Variants in SLC24A2 observed in about 807,000 individuals in gnomAD.
The protein encoded by SLC24A2 is sodium/potassium/calcium exchanger 2.
SLC24A2 carries 36 observed loss-of-function variants against 62.0 expected under a neutral mutation model. That is an observed-to-expected ratio of 0.58 (90% CI 0.44 to 0.77). The LOEUF (loss-of-function observed/expected upper bound fraction) is 0.77. Among genes scored for constraint, SLC24A2 ranks in the 30% least tolerant of loss-of-function variants. SLC24A2 has a pLI of 0.00. For synonymous variants in SLC24A2, 358 were observed against 294.0 expected (o/e 1.22, Z -2.23); for missense variants, 846 against 817.9 (o/e 1.03, Z -0.42).
chr9:20,068,748 A>G, the SLC24A2 span, among the ~76,000 whole-genome samples: 514 of 152,302 alleles, frequency 3.4e-3, 2 homozygotes, highest in African/African-American at 0.012. Flanking sequence ...TGCCCAAATT[A>G]GGGCTGAAAG....
chr9:20,022,352 C>T, the SLC24A2 span, among the ~76,000 whole-genome samples: 2 of 152,138 alleles, frequency 1.3e-5, no homozygotes, highest in Non-Finnish European at 2.9e-5. Context: ...TTTATTTAAA[C>T]CATATAACAA....
At chr9:20,263,498 C>T in the SLC24A2 span, among the ~76,000 whole-genome samples, 1 of 152,266 alleles carries the variant, frequency 6.6e-6, no homozygotes. Context: ...ATCCTCCCAC[C>T]TCGGCCCCCC....
the SLC24A2 span, among the ~76,000 whole-genome samples, chr9:20,126,561 T>C: frequency 2.1e-3 from 326 of 152,316 alleles, 5 homozygotes; most frequent in African/African-American, 7.4e-3. Flanking sequence ...TACATTTGAA[T>C]ACAATTGACA....
chr9:20,275,147 T>C, the SLC24A2 span, among the ~76,000 whole-genome samples: 3 of 152,060 alleles, frequency 2.0e-5, no homozygotes, highest in Admixed American at 1.3e-4. Context: ...AGCAAGAAGT[T>C]CTCAGCAGTG....
chr9:20,096,383 T>C, the SLC24A2 span, among the ~76,000 whole-genome samples: 24 of 152,204 alleles, frequency 1.6e-4, no homozygotes, highest in African/African-American at 5.8e-4. Context: ...TAGTCTCCTA[T>C]AGGGACACTA....
intron 2 of SLC24A2, among the ~76,000 whole-genome samples, chr9:19,762,803 T>C (rs1822380349): frequency 6.6e-6 from 1 of 150,568 alleles, no homozygotes; most frequent in Admixed American, 6.6e-5. Flanking sequence ...CTTTTTTTTT[T>C]TTTTTTTTGG....
At chr9:20,207,576 A>G in the SLC24A2 span, among the ~76,000 whole-genome samples, 1 of 152,306 alleles carries the variant, frequency 6.6e-6, no homozygotes, top group South Asian at 2.1e-4. Context: ...ATCTTTCTAT[A>G]TCTGTCTTCC....
At chr9:19,969,439 AC>A in the SLC24A2 span, among the ~76,000 whole-genome samples, 2 of 152,196 alleles carry the variant, frequency 1.3e-5, no homozygotes, top group South Asian at 4.1e-4. Flanking sequence ...CCAATAAAGC[AC>A]AAAAAAATTC....
the SLC24A2 span, among the ~76,000 whole-genome samples, chr9:20,034,724 T>C: frequency 6.6e-6 from 1 of 152,164 alleles, no homozygotes; most frequent in Non-Finnish European, 1.5e-5. Flanking sequence ...CGCCTTGACC[T>C]CCCAAAGTGC....
At chr9:20,092,759 T>G in the SLC24A2 span, among the ~76,000 whole-genome samples, 1 of 152,164 alleles carries the variant, frequency 6.6e-6, no homozygotes, top group African/African-American at 2.4e-5. Flanking sequence ...GACACAAAAT[T>G]TGCTGTCTCA....
chr9:19,513,155 T>TATAG lies in SLC24A2; in HGVS notation c.*2997_*2998insCTAT, dbSNP rs1341674439. ...TGTACATATAGATCTGGTATAAAGA[T>TATAG]ATATATATATATATATATATGTATA... is the stretch of plus-strand genomic sequence containing the variant. On this transcript the variant is annotated 3_prime_UTR_variant, in exon 11 of 11. Coordinates refer to ENST00000341998, the MANE Select transcript of SLC24A2 (RefSeq NM_020344.4). 1.8e-5 allele frequency: 1 copy of TATAG among 55,846 alleles called. No individual in the cohort carries two copies. Among genetic ancestry groups the TATAG allele is most frequent in the East Asian group, 5.1e-4 (1 of 1,976 alleles). The allele number at this position is 55,846 out of a possible 1,614,324, so 3.5% of individuals were successfully genotyped here.
chr9:19,715,976 C>T (rs1337980553), intron 2 of SLC24A2, among the ~76,000 whole-genome samples: 1 of 152,092 alleles, frequency 6.6e-6, no homozygotes, highest in African/African-American at 2.4e-5. Flanking sequence ...AGAGGTACCC[C>T]CATTCAGCTA....
chr9:20,157,827 T>C, the SLC24A2 span, among the ~76,000 whole-genome samples: 1 of 151,620 alleles, frequency 6.6e-6, no homozygotes, highest in African/African-American at 2.4e-5. Context: ...ATTAGCATCA[T>C]CTATTAGAGA....
the SLC24A2 span, among the ~76,000 whole-genome samples, chr9:20,096,077 ATCCATCCATCCGTCCGTCCG>A: frequency 3.4e-5 from 5 of 145,802 alleles, no homozygotes; most frequent in African/African-American, 1.3e-4. Context: ...GTATCCATCC[ATCCATCCATCCGTCCGTCCG>A]TCCGTCCGTC....
Position 19,612,656 on chromosome 9 carries a change from T to C in SLC24A2, c.1078+6928A>G, listed in dbSNP as rs1041478498. On this transcript the variant is annotated intron_variant, in intron 4 of 10. Coordinates refer to ENST00000341998, the MANE Select transcript of SLC24A2 (RefSeq NM_020344.4). ...GGGTCTAGTTTCAGTCAATCCTCAC[T>C]CTTATTAAATGCTGTACTAGACTAC... Among the ~76,000 whole-genome samples, 7 of 152,304 alleles carry C rather than the reference T, an allele frequency of 4.6e-5. No homozygotes were observed. The South Asian group carries it at 1.4e-3, about 32-fold the overall frequency.
the SLC24A2 span, among the ~76,000 whole-genome samples, chr9:20,301,355 T>A: frequency 6.6e-6 from 1 of 152,122 alleles, no homozygotes; most frequent in African/African-American, 2.4e-5. Context: ...ATAGGTTCAA[T>A]CTTGAAAACC....
chr9:19,556,150 A>G (rs1586951788), intron 7 of SLC24A2, among the ~76,000 whole-genome samples: 2 of 152,312 alleles, frequency 1.3e-5, no homozygotes, highest in South Asian at 2.1e-4. Context: ...CTTTATTTTT[A>G]TCTGGTAAAT....
the SLC24A2 span, among the ~76,000 whole-genome samples, chr9:20,197,425 CTCTTT>C: frequency 1.6e-5 from 2 of 124,294 alleles, no homozygotes; most frequent in Non-Finnish European, 3.2e-5. Context: ...TTCTCTCTCT[CTCTTT>C]TTTTTTTTTT....
the SLC24A2 span, among the ~76,000 whole-genome samples, chr9:19,797,803 C>A: frequency 9.2e-5 from 14 of 152,320 alleles, no homozygotes; most frequent in South Asian, 2.7e-3. Flanking sequence ...TCAACCTCCC[C>A]CTTTTTGCCA....
Sources: allele counts gnomAD v4.1 joint callset (sites outside exome capture counted in the v4.1 genomes callset), GRCh38; gene constraint gnomAD v4.1.1; transcripts MANE v1.5; gene names NCBI Gene and HGNC (gene_info 2026-07-23, HGNC 2026-07-21).